The following PLCL1 variants were observed in gnomAD, a reference collection of about 807,000 sequenced individuals.
PLCL1 encodes inactive phospholipase C-like protein 1.
A neutral mutation model predicts 84.4 loss-of-function variants in PLCL1; 41 were observed. That is an observed-to-expected ratio of 0.49 (90% CI 0.38 to 0.63). PLCL1 has a LOEUF of 0.63. PLCL1 is among the 30% of genes least tolerant of loss of function. The probability of loss-of-function intolerance (pLI) is 0.00; values close to 1 mark genes in which losing one functional copy is unlikely to be tolerated. For missense variants in PLCL1, 1,206 were observed against 1,367.8 expected, an observed-to-expected ratio of 0.88 and a Z score of 1.87; for synonymous variants, 490 against 488.3, an observed-to-expected ratio of 1.00 and a Z score of -0.05.
intron 1 of PLCL1, among the ~76,000 whole-genome samples, chr2:197,816,435 G>A (rs1010024559): frequency 8.5e-5 from 13 of 152,134 alleles, no homozygotes; most frequent in South Asian, 2.1e-4. Context: ...AAATTTGTGT[G>A]ACTTGCTTTA....
intron 1 of PLCL1, among the ~76,000 whole-genome samples, chr2:198,000,004 T>C (rs1301295206): frequency 1.3e-5 from 2 of 152,214 alleles, no homozygotes; most frequent in East Asian, 3.8e-4. Context: ...TCATTAAATA[T>C]ACAAATTTCC....
chr2:197,814,712 C>T (rs1251146067), intron 1 of PLCL1, among the ~76,000 whole-genome samples: 2 of 152,054 alleles, frequency 1.3e-5, no homozygotes, highest in East Asian at 3.9e-4. Context: ...AGGAAAAGTG[C>T]TTGAAGGAAA....
intron 1 of PLCL1, among the ~76,000 whole-genome samples, chr2:197,827,530 C>T (rs186125188): frequency 4.6e-4 from 70 of 152,124 alleles, no homozygotes; most frequent in Non-Finnish European, 6.2e-4. Flanking sequence ...GAGAGAAGCT[C>T]AGAGTCGACA....
At chr2:197,912,679 T>C (rs1688505941) in intron 1 of PLCL1, among the ~76,000 whole-genome samples, 1 of 147,544 alleles carries the variant, frequency 6.8e-6, no homozygotes, top group African/African-American at 2.5e-5. Flanking sequence ...TCATTCTCAG[T>C]AAACTATCGC....
At chr2:197,933,684 C>T (rs975530578) in intron 1 of PLCL1, among the ~76,000 whole-genome samples, 10 of 151,914 alleles carry the variant, frequency 6.6e-5, no homozygotes, top group African/African-American at 1.5e-4. Context: ...TGGAACTGGG[C>T]CTGCAGGGTG....
chr2:198,101,236 CA>C (rs1283572535), intron 3 of PLCL1, 48 bp from the exon 4 acceptor site: 2 of 1,092,468 alleles, frequency 1.8e-6, no homozygotes, highest in Non-Finnish European at 2.8e-6. Context: ...CCCAATGAGC[CA>C]GTTCAAGGAT....
chr2:197,968,396 A>G (rs1250022959), intron 1 of PLCL1, among the ~76,000 whole-genome samples: 1 of 152,206 alleles, frequency 6.6e-6, no homozygotes, highest in African/African-American at 2.4e-5. Flanking sequence ...AAATGGTAAT[A>G]ACAAAAATAT....
At chr2:198,100,828 G>T (rs1278466423) in intron 3 of PLCL1, among the ~76,000 whole-genome samples, 2 of 151,900 alleles carry the variant, frequency 1.3e-5, no homozygotes, top group Non-Finnish European at 1.5e-5. Context: ...GAGAGACAGG[G>T]AGGATAAAAT....
chr2:197,921,396 A>G (rs1183327749), intron 1 of PLCL1, among the ~76,000 whole-genome samples: 1 of 152,176 alleles, frequency 6.6e-6, no homozygotes, highest in Non-Finnish European at 1.5e-5. Flanking sequence ...GGTCCTTTTC[A>G]AAGTTTCGGG....
chr2:198,090,804 A>G (rs558171497), intron 3 of PLCL1, among the ~76,000 whole-genome samples: 18 of 152,330 alleles, frequency 1.2e-4, no homozygotes, highest in African/African-American at 4.3e-4. Context: ...AAGCTAAGAA[A>G]AAGAAATCAT....
intron 5 of PLCL1, among the ~76,000 whole-genome samples, chr2:198,140,286 A>T (rs1228600591): frequency 6.6e-6 from 1 of 152,126 alleles, no homozygotes; most frequent in Non-Finnish European, 1.5e-5. Flanking sequence ...ATGGTTTTTT[A>T]AATTATATTA....
chr2:197,913,373 T>C (rs1688528502), intron 1 of PLCL1, among the ~76,000 whole-genome samples: 1 of 152,210 alleles, frequency 6.6e-6, no homozygotes, highest in East Asian at 1.9e-4. Context: ...AAAGCCTTTT[T>C]AGCATAAAAT....
chr2:197,938,877 T>A (rs551360160), intron 1 of PLCL1, among the ~76,000 whole-genome samples: 328 of 152,312 alleles, frequency 2.2e-3, no homozygotes, highest in Non-Finnish European at 3.7e-3. Flanking sequence ...AAAGTTTCAT[T>A]AATCTCAAGT....
At chr2:197,962,635 T>C (rs944541480) in intron 1 of PLCL1, among the ~76,000 whole-genome samples, 49 of 152,078 alleles carry the variant, frequency 3.2e-4, no homozygotes, top group Admixed American at 5.2e-4. Flanking sequence ...AAATGTATAA[T>C]ACATTATTGT....
At chr2:197,872,848 A>G (rs1687672216) in intron 1 of PLCL1, among the ~76,000 whole-genome samples, 1 of 152,196 alleles carries the variant, frequency 6.6e-6, no homozygotes. Context: ...CAGGCTGAGT[A>G]AAATTATTTG....
At chr2:198,075,337 C>T (rs1692553362) in intron 1 of PLCL1, among the ~76,000 whole-genome samples, 1 of 152,142 alleles carries the variant, frequency 6.6e-6, no homozygotes, top group Non-Finnish European at 1.5e-5. Flanking sequence ...GACTGATAGC[C>T]GCAAGTCGTT....
chr2:198,129,995 A>AT (rs968176510), intron 5 of PLCL1, among the ~76,000 whole-genome samples: 17 of 151,504 alleles, frequency 1.1e-4, no homozygotes, highest in African/African-American at 2.7e-4. Context: ...CCTACTTTTT[A>AT]TTTTTTTTAA....
intron 1 of PLCL1, among the ~76,000 whole-genome samples, chr2:198,013,400 A>G (rs1690915735): frequency 6.6e-6 from 1 of 152,130 alleles, no homozygotes; most frequent in Non-Finnish European, 1.5e-5. Context: ...CCACTTTATT[A>G]GGACTATCGC....
chr2:197,908,573 A>T (rs1181063785), intron 1 of PLCL1, among the ~76,000 whole-genome samples: 1 of 152,238 alleles, frequency 6.6e-6, no homozygotes, highest in Non-Finnish European at 1.5e-5. Context: ...GCCCATGGCC[A>T]CCAGGTCCTC....
Sources: allele counts gnomAD v4.1 joint callset (sites outside exome capture counted in the v4.1 genomes callset), GRCh38; gene constraint gnomAD v4.1.1; transcripts MANE v1.5; gene names NCBI Gene and HGNC (gene_info 2026-07-23, HGNC 2026-07-21).